The following NAALADL2 variants were observed in gnomAD, a reference collection of about 807,000 sequenced individuals.
NAALADL2 encodes the protein inactive N-acetylated-alpha-linked acidic dipeptidase-like protein 2.
NAALADL2 carries 76 observed loss-of-function variants against 87.2 expected under a neutral mutation model. The ratio of observed to expected loss-of-function variants is 0.87; its 90% CI spans 0.72 to 1.05. The LOEUF is 1.05. Among genes scored for constraint, NAALADL2 ranks in the 50% least tolerant of loss-of-function variants. The probability of loss-of-function intolerance (pLI) is 0.00; values close to 1 mark genes in which losing one functional copy is unlikely to be tolerated. For synonymous variants in NAALADL2, 354 were observed against 331.0 expected, an observed-to-expected ratio of 1.07 and a Z score of -0.75; for missense variants, 1,089 against 945.8, an observed-to-expected ratio of 1.15 and a Z score of -1.99.
intron 2 of NAALADL2, among the ~76,000 whole-genome samples, chr3:175,204,139 G>A (rs559256065): frequency 7.2e-5 from 11 of 152,014 alleles, no homozygotes; most frequent in Non-Finnish European, 1.2e-4. Flanking sequence ...AGGGACATAA[G>A]CAAAAAAGAA....
At chr3:174,529,923 G>A (rs1268623820) in intron 1 of NAALADL2, among the ~76,000 whole-genome samples, 1 of 152,094 alleles carries the variant, frequency 6.6e-6, no homozygotes, top group Non-Finnish European at 1.5e-5. Flanking sequence ...CTGCTGCAAA[G>A]GTCTCTGACC....
chr3:174,779,437 T>C (rs565966019), intron 3 of NAALADL2, among the ~76,000 whole-genome samples: 1 of 152,348 alleles, frequency 6.6e-6, no homozygotes, highest in East Asian at 1.9e-4. Flanking sequence ...CTATTCACTC[T>C]GATGATAGTT....
chr3:175,484,755 G>A (rs1051344055), intron 9 of NAALADL2, among the ~76,000 whole-genome samples: 1 of 152,062 alleles, frequency 6.6e-6, no homozygotes, highest in Non-Finnish European at 1.5e-5. Context: ...AAATTACATT[G>A]GTTAAATTAG....
intron 4 of NAALADL2, among the ~76,000 whole-genome samples, chr3:175,261,947 G>C (rs1039264090): frequency 6.6e-6 from 1 of 152,044 alleles, no homozygotes; most frequent in African/African-American, 2.4e-5. Flanking sequence ...GAAAATGAGA[G>C]ATAGGAAATG....
intron 9 of NAALADL2, among the ~76,000 whole-genome samples, chr3:175,504,694 A>C (rs1730055274): frequency 6.6e-6 from 1 of 151,430 alleles, no homozygotes. Context: ...ATGAGAAAAT[A>C]TTTTTCTGTT....
intron 2 of NAALADL2, among the ~76,000 whole-genome samples, chr3:174,581,964 TC>T (rs2108561925): frequency 6.6e-6 from 1 of 152,342 alleles, no homozygotes; most frequent in Non-Finnish European, 1.5e-5. Context: ...CACAATTAAT[TC>T]TTTTTTGGCT....
intron 5 of NAALADL2, among the ~76,000 whole-genome samples, chr3:175,425,607 T>C (rs1365235572): frequency 6.6e-6 from 1 of 152,136 alleles, no homozygotes; most frequent in Non-Finnish European, 1.5e-5. Flanking sequence ...GTCTGTGGCC[T>C]CTGGTTACCA....
At chr3:174,509,280 A>G (rs1719426197) in intron 1 of NAALADL2, among the ~76,000 whole-genome samples, 1 of 151,986 alleles carries the variant, frequency 6.6e-6, no homozygotes, top group Admixed American at 6.5e-5. Flanking sequence ...GAGATGCTTT[A>G]TTAGTCTTCT....
chr3:174,964,002 C>G (rs951948892), intron 1 of NAALADL2, among the ~76,000 whole-genome samples: 5 of 150,346 alleles, frequency 3.3e-5, no homozygotes, highest in Non-Finnish European at 5.9e-5. Context: ...ATTTATTTCT[C>G]CATACTTTTT....
chr3:175,152,979 C>G (rs1369780681), intron 2 of NAALADL2, among the ~76,000 whole-genome samples: 5 of 151,900 alleles, frequency 3.3e-5, no homozygotes, highest in African/African-American at 9.7e-5. Flanking sequence ...AGCCATGAAA[C>G]TTTATTATAA....
intron 5 of NAALADL2, among the ~76,000 whole-genome samples, chr3:175,442,843 TA>T (rs1475951088): frequency 6.6e-6 from 1 of 152,220 alleles, no homozygotes; most frequent in Non-Finnish European, 1.5e-5. Flanking sequence ...TGCTGCAAGC[TA>T]AAAGTTAAAG....
Position 175,131,562 on chromosome 3 carries a change from A to G in NAALADL2, c.545+34271A>G, listed in dbSNP as rs189171402. ...TACCTCTTTCTACACAGACATGGCA[A>G]CCATCCGATTTCTCAATCTTTTCCC... is the stretch of plus-strand genomic sequence containing the variant. On this transcript the variant is annotated intron_variant, in intron 2 of 13. Coordinates refer to ENST00000454872, the MANE Select transcript of NAALADL2 (RefSeq NM_207015.3). 6.9e-3 allele frequency among the ~76,000 whole-genome samples: 1,044 copies of G among 152,230 alleles called. 12 individuals are homozygous for G. Among genetic ancestry groups the G allele is most frequent in the African/African-American group, 0.024 (996 of 41,544 alleles).
intron 11 of NAALADL2, among the ~76,000 whole-genome samples, chr3:175,670,446 T>C (rs867601889): frequency 3.1e-4 from 45 of 142,996 alleles, no homozygotes; most frequent in African/African-American, 1.3e-3. Context: ...TAAATTTATA[T>C]TAAATGTAAA....
At chr3:175,634,986 G>A (rs1728308692) in intron 11 of NAALADL2, among the ~76,000 whole-genome samples, 1 of 152,000 alleles carries the variant, frequency 6.6e-6, no homozygotes, top group Non-Finnish European at 1.5e-5. Context: ...CTTGGTTGGA[G>A]CTACTCAAGG....
chr3:175,087,736 C>T (rs1719305628), intron 1 of NAALADL2, among the ~76,000 whole-genome samples: 1 of 151,970 alleles, frequency 6.6e-6, no homozygotes. Context: ...CATCACCACT[C>T]CCTAATCTCA....
intron 1 of NAALADL2, among the ~76,000 whole-genome samples, chr3:174,891,426 G>T (rs866605842): frequency 6.6e-6 from 1 of 151,982 alleles, no homozygotes; most frequent in Non-Finnish European, 1.5e-5. Context: ...AAACAGTCCA[G>T]AGTCACTGAT....
intron 5 of NAALADL2, among the ~76,000 whole-genome samples, chr3:175,382,050 G>A (rs573856963): frequency 6.6e-5 from 10 of 152,298 alleles, no homozygotes; most frequent in Non-Finnish European, 7.4e-5. Flanking sequence ...TAAACACTCA[G>A]TGGAAGCTCT....
At chr3:175,667,183 GA>G (rs1491065706) in intron 11 of NAALADL2, among the ~76,000 whole-genome samples, 1 of 38,262 alleles carries the variant, frequency 2.6e-5, no homozygotes, top group Non-Finnish European at 4.8e-5. Flanking sequence ...GAAAGAAAGA[GA>G]AAGAAAGAAA....
At chr3:174,908,366 A>G (rs567298752) in intron 1 of NAALADL2, among the ~76,000 whole-genome samples, 1 of 152,114 alleles carries the variant, frequency 6.6e-6, no homozygotes, top group East Asian at 1.9e-4. Flanking sequence ...AAGGAAATCA[A>G]GCACGCCAGA....
Sources: gnomAD v4.1 joint callset for allele counts (sites outside exome capture counted in the v4.1 genomes callset) on GRCh38, gnomAD v4.1.1 for gene constraint, MANE v1.5 for transcripts, NCBI Gene and HGNC (gene_info 2026-07-23, HGNC 2026-07-21) for gene names.